The following MAST4 variants were observed in gnomAD, a reference collection of about 807,000 sequenced individuals.
The protein encoded by MAST4 is microtubule-associated serine/threonine-protein kinase 4.
Under a neutral mutation model 162.7 loss-of-function variants are expected in MAST4, and 89 were observed. The observed-to-expected ratio is 0.55, with a 90% CI of 0.46 to 0.65. The LOEUF is 0.65. Ranked by LOEUF, MAST4 falls within the 30% of genes least tolerant of loss-of-function variation. MAST4 has a pLI of 0.00. For missense variants in MAST4, 3,153 were observed against 3,374.0 expected, an observed-to-expected ratio of 0.93 and a Z score of 1.62; for synonymous variants, 1,479 against 1,361.1, an observed-to-expected ratio of 1.09 and a Z score of -1.91.
At position 67,130,239 on chromosome 5, in the gene MAST4, C is replaced by G. The variant is rs1238603569; in HGVS notation, c.1775C>G (p.Ser592Cys). The change falls in exon 15 of 29, where the codon TCC becomes TGC. Residue 592 changes from serine to cysteine, a missense_variant. Coordinates refer to ENST00000403625, the MANE Select transcript of MAST4 (RefSeq NM_001164664.2). ...GAVYFVRHKE[S>C]RQRFAMKKIN... ...GTCTACTTTGTTCGGCATAAAGAATCCCGGCAGAGGTTTGCCATGAAGAAG... is the reference window on the plus strand; with the variant it reads ...GTCTACTTTGTTCGGCATAAAGAATGCCGGCAGAGGTTTGCCATGAAGAAG... 6.2e-7 allele frequency: 1 copy of G among 1,613,250 alleles called. No individual in the cohort carries two copies. The highest frequency in any genetic ancestry group is 8.5e-7 in the Non-Finnish European group (1 of 1,179,590).
chr5:66,670,754 A>ATTT (rs11383652), intron 1 of MAST4, among the ~76,000 whole-genome samples: 1 of 146,200 alleles, frequency 6.8e-6, no homozygotes, highest in Non-Finnish European at 1.5e-5. Flanking sequence ...AGTAAGCATG[A>ATTT]TTTTTTTTTT....
chr5:66,948,333 G>A (rs1744272259), intron 4 of MAST4, among the ~76,000 whole-genome samples: 1 of 152,134 alleles, frequency 6.6e-6, no homozygotes, highest in South Asian at 2.1e-4. Flanking sequence ...GAGGGGGAAG[G>A]CATTACTAGC....
rs750695406 is a variant in MAST4 at position 67,145,182 on chromosome 5, G to A, written c.2897G>A (p.Ser966Asn). The A allele has an allele frequency of 2.0e-5, 33 of 1,612,588 alleles. No individual in the cohort carries two copies. Among genetic ancestry groups the A allele is most frequent in the Non-Finnish European group, 2.8e-5 (33 of 1,179,342 alleles). The part of the protein sequence containing the change: ...LSTSNSSDTE[S>N]NRHKLSSGLL... ...ACATCCAACTCTTCAGATACTGAAA[G>A]CAACAGACATAAACTCAGTTCTGGC... The change falls in exon 23 of 29, where the codon AGC (serine) becomes AAC (asparagine). Residue 966 changes from serine to asparagine, a missense_variant. Transcript: ENST00000403625.
chr5:66,931,013 C>A (rs7734107), intron 4 of MAST4: 15,496 of 186,348 alleles, frequency 0.083, 862 homozygotes, highest in African/African-American at 0.16. Flanking sequence ...ATTTACAGCC[C>A]ACCCTCAGAG....
chr5:67,099,416 T>C (rs533666445), intron 7 of MAST4, among the ~76,000 whole-genome samples: 1 of 152,212 alleles, frequency 6.6e-6, no homozygotes, highest in Admixed American at 6.5e-5. Flanking sequence ...TAGGAATAAT[T>C]TTTAAGCTTT....
chr5:67,034,171 C>A (rs1189179789), intron 4 of MAST4, among the ~76,000 whole-genome samples: 1 of 152,108 alleles, frequency 6.6e-6, no homozygotes, highest in Non-Finnish European at 1.5e-5. Context: ...CTAGAGAGTT[C>A]GTAATTGTTC....
At chr5:67,114,401 G>T in intron 12 of MAST4, 182 bp downstream of exon 12, 1 of 633,832 alleles carries the variant, frequency 1.6e-6, no homozygotes, top group South Asian at 2.1e-5. Context: ...AGACACGAAT[G>T]AGCATGACCC....
chr5:66,617,545 T>C (rs1156321251), intron 1 of MAST4, among the ~76,000 whole-genome samples: 2 of 152,112 alleles, frequency 1.3e-5, no homozygotes, highest in African/African-American at 4.8e-5. Context: ...CTTTTAAAAA[T>C]GTAAAAGATT....
intron 4 of MAST4, among the ~76,000 whole-genome samples, chr5:66,998,033 T>C (rs189842735): frequency 6.6e-6 from 1 of 152,330 alleles, no homozygotes; most frequent in Admixed American, 6.5e-5. Context: ...ATACTTCTCA[T>C]TTTAATGGCA....
At chr5:66,984,178 T>TA (rs1443683806) in intron 4 of MAST4, among the ~76,000 whole-genome samples, 1 of 152,098 alleles carries the variant, frequency 6.6e-6, no homozygotes, top group East Asian at 1.9e-4. Flanking sequence ...TGCAGAGAAG[T>TA]AAAACAGGGG....
intron 4 of MAST4, among the ~76,000 whole-genome samples, chr5:66,967,732 T>C (rs546692753): frequency 7.3e-4 from 105 of 143,112 alleles, no homozygotes; most frequent in Non-Finnish European, 1.2e-3. Context: ...GCTGGAGAAA[T>C]AGGCAAAATA....
chr5:66,909,158 C>T (rs1367711014), intron 4 of MAST4, among the ~76,000 whole-genome samples: 1 of 152,108 alleles, frequency 6.6e-6, no homozygotes, highest in Non-Finnish European at 1.5e-5. Flanking sequence ...GTTCCATTTC[C>T]ATGAAGAGGT....
In MAST4 at chr5:67,166,911, G is replaced by C; in HGVS notation, c.7732G>C (p.Val2578Leu). The C allele has an allele frequency of 2.5e-6, 4 of 1,611,502 alleles. No individual in the cohort carries two copies. The highest frequency in any genetic ancestry group is 3.4e-6 in the Non-Finnish European group (4 of 1,179,218). Residue 2578 changes from valine (V) to leucine (L), a missense_variant, in exon 29 of 29, where the codon GTG becomes CTG. By Grantham distance (32) the Val-to-Leu change is conservative. Transcript: ENST00000403625. ...AQPPPARKQNVGRDVTKPSPA... is the reference protein window; with the variant it reads ...AQPPPARKQNLGRDVTKPSPA... ...GCCTCCCCCAGCTAGGAAACAGAACGTGGGCAGAGACGTGACCAAGCCATC... is the reference window on the plus strand; with the variant it reads ...GCCTCCCCCAGCTAGGAAACAGAACCTGGGCAGAGACGTGACCAAGCCATC...
chr5:66,984,446 G>C (rs1581106627), intron 4 of MAST4, among the ~76,000 whole-genome samples: 1 of 152,174 alleles, frequency 6.6e-6, no homozygotes, highest in East Asian at 1.9e-4. Flanking sequence ...TGGAAAGAAA[G>C]CACTTGATAT....
intron 1 of MAST4, among the ~76,000 whole-genome samples, chr5:66,655,569 G>A (rs530567471): frequency 1.9e-4 from 29 of 152,250 alleles, no homozygotes; most frequent in African/African-American, 6.7e-4. Flanking sequence ...CAATCTCAGG[G>A]TAGGTCCAGC....
At chr5:66,958,114 T>C (rs1321812764) in intron 4 of MAST4, among the ~76,000 whole-genome samples, 1 of 151,470 alleles carries the variant, frequency 6.6e-6, no homozygotes, top group African/African-American at 2.4e-5. Context: ...TGTCTCTCTC[T>C]CTCTCTTTGT....
chr5:67,109,952 G>A (rs1373733487), intron 10 of MAST4, 146 bp from the exon 11 acceptor site: 1 of 585,576 alleles, frequency 1.7e-6, no homozygotes, highest in South Asian at 2.1e-5. Flanking sequence ...TACAGATAAT[G>A]TCTGTTTATC....
chr5:66,889,528 T>G (rs1232292981), intron 3 of MAST4, among the ~76,000 whole-genome samples: 3 of 152,234 alleles, frequency 2.0e-5, no homozygotes, highest in Non-Finnish European at 4.4e-5. Flanking sequence ...GCAGGGTGTG[T>G]GATTTCACTG....
intron 3 of MAST4, among the ~76,000 whole-genome samples, chr5:66,855,282 A>G (rs943248638): frequency 2.0e-5 from 3 of 152,110 alleles, no homozygotes; most frequent in African/African-American, 7.2e-5. Flanking sequence ...CGCTATTGCC[A>G]TGTGAGACTC....
Sources: gnomAD v4.1 joint callset for allele counts (sites outside exome capture counted in the v4.1 genomes callset) on GRCh38, gnomAD v4.1.1 for gene constraint, MANE v1.5 for transcripts, NCBI Gene and HGNC (gene_info 2026-07-23, HGNC 2026-07-21) for gene names.